NVL: variants seen among roughly 807,000 people sequenced by gnomAD.
NVL encodes nuclear valosin-containing protein-like.
Under a neutral mutation model 110.2 loss-of-function variants are expected in NVL, and 84 were observed. The observed-to-expected ratio is 0.76, with a 90% CI of 0.64 to 0.91. The LOEUF (loss-of-function observed/expected upper bound fraction) is 0.91, where lower values mean the gene tolerates loss of function less well. NVL is among the 40% of genes least tolerant of loss of function. The pLI, the probability that NVL is intolerant of heterozygous loss-of-function variation, is 0.00. For synonymous variants in NVL, 354 were observed against 361.1 expected (o/e 0.98, Z 0.22); for missense variants, 882 against 1,035.9 (o/e 0.85, Z 2.04).
chr1:224,300,761 T>C, intron 9 of NVL, 98 bp from the exon 10 acceptor site: 1 of 777,272 alleles, frequency 1.3e-6, no homozygotes, highest in Admixed American at 2.6e-5. Context: ...GCTAGTTTCC[T>C]GAGGAACTTC....
chr1:224,325,832 G>T (rs1671091332), intron 2 of NVL, among the ~76,000 whole-genome samples: 1 of 152,158 alleles, frequency 6.6e-6, no homozygotes, highest in African/African-American at 2.4e-5. Context: ...TGTCACTGAG[G>T]TTAGAGTGCA....
At chr1:224,291,760 A>G (rs1667399336) in intron 12 of NVL, among the ~76,000 whole-genome samples, 1 of 152,244 alleles carries the variant, frequency 6.6e-6, no homozygotes, top group Non-Finnish European at 1.5e-5. Context: ...AAAAACTATA[A>G]GCCAAAGCAT....
At chr1:224,322,321 C>G (rs1447453676) in intron 2 of NVL, among the ~76,000 whole-genome samples, 1 of 150,202 alleles carries the variant, frequency 6.7e-6, no homozygotes, top group African/African-American at 2.5e-5. Context: ...TAGCCTCAAG[C>G]AATCCTCCTG....
At chr1:224,254,828 C>T (rs532937150) in intron 18 of NVL, among the ~76,000 whole-genome samples, 3 of 150,476 alleles carry the variant, frequency 2.0e-5, no homozygotes, top group Non-Finnish European at 3.0e-5. Context: ...TTAAAATCTA[C>T]TTTCTTGGCA....
intron 12 of NVL, among the ~76,000 whole-genome samples, chr1:224,293,717 T>C (rs1476434824): frequency 6.6e-6 from 1 of 152,240 alleles, no homozygotes; most frequent in Non-Finnish European, 1.5e-5. Flanking sequence ...CAAGCCATTG[T>C]TAATAAGACC....
chr1:224,315,629 T>C (rs1669989712), intron 4 of NVL, among the ~76,000 whole-genome samples: 1 of 152,208 alleles, frequency 6.6e-6, no homozygotes, highest in South Asian at 2.1e-4. Flanking sequence ...AAACTGCTAA[T>C]GTAAAAGTAA....
At chr1:224,270,383 C>T (rs1346824988) in intron 17 of NVL, among the ~76,000 whole-genome samples, 1 of 151,940 alleles carries the variant, frequency 6.6e-6, no homozygotes, top group African/African-American at 2.4e-5. Flanking sequence ...ATGGCAAAAC[C>T]CCATCTCTAC....
intron 16 of NVL, among the ~76,000 whole-genome samples, chr1:224,280,145 G>C (rs1310794719): frequency 1.3e-5 from 2 of 150,322 alleles, no homozygotes; most frequent in Non-Finnish European, 3.0e-5. Context: ...GGGAGGGTTT[G>C]CAAGAAGCTT....
intron 4 of NVL, chr1:224,313,172 A>AAAAAAAAAC (rs1553335839): frequency 7.2e-6 from 2 of 276,868 alleles, no homozygotes; most frequent in African/African-American, 4.7e-5. Flanking sequence ...AAAAAAAAAA[A>AAAAAAAAAC]AAAAAAAACA....
Position 224,250,057 on chromosome 1 carries a change from G to A in NVL, c.2289+155C>T, listed in dbSNP as rs185144909. ...TGTAAATTATTTTAAAGTAATAATCGAAGATCAGTTCACCTTCCCTTTGGG... is the reference window on the plus strand; with the variant it reads ...TGTAAATTATTTTAAAGTAATAATCAAAGATCAGTTCACCTTCCCTTTGGG... On this transcript the variant is annotated intron_variant, in intron 19 of 22. Coordinates refer to ENST00000281701, the MANE Select transcript of NVL (RefSeq NM_002533.4). Among the ~76,000 whole-genome samples the A allele has an allele frequency of 6.6e-5, 10 of 152,192 alleles. No homozygotes were observed. In the East Asian group the frequency reaches 1.2e-3, roughly 18 times the overall value.
At chr1:224,303,603 A>G in intron 9 of NVL, 120 bp downstream of exon 9, 1 of 962,568 alleles carries the variant, frequency 1.0e-6, no homozygotes, top group Non-Finnish European at 1.5e-6. Flanking sequence ...GATCAGTTCC[A>G]ATGACTATGT....
chr1:224,300,416 C>T, intron 10 of NVL, 146 bp downstream of exon 10: 1 of 516,342 alleles, frequency 1.9e-6, no homozygotes, highest in Non-Finnish European at 3.5e-6. Flanking sequence ...AAATATTTAG[C>T]CATCATGCAT....
At chr1:224,292,681 T>C (rs1412933014) in intron 12 of NVL, among the ~76,000 whole-genome samples, 2 of 152,158 alleles carry the variant, frequency 1.3e-5, no homozygotes, top group Non-Finnish European at 2.9e-5. Context: ...TCTGAGCTTA[T>C]ATGTGCAATT....
In NVL at chr1:224,285,948, G is replaced by A. The variant is rs376101224; in HGVS notation, c.1899+78C>T. The stretch of plus-strand genomic sequence containing the variant: ...AATTATGCATAAGACTTACCTCACT[G>A]TAATATTTAAAGTTAAGTTCATATT... On this transcript the variant is annotated intron_variant, in intron 15 of 22. Coordinates refer to ENST00000281701, the MANE Select transcript of NVL (RefSeq NM_002533.4). 4.8e-5 allele frequency: 52 copies of A among 1,078,604 alleles called. No individual in the cohort carries two copies. In the African/African-American group the frequency reaches 7.8e-4, roughly 16 times the overall value. 66.8% of individuals were successfully genotyped at this position (1,078,604 alleles called of 1,614,324 possible).
chr1:224,289,399 C>T lies in NVL; in HGVS notation c.1575+85G>A. The T allele has an allele frequency of 2.9e-6, 4 of 1,392,394 alleles. No individual in the cohort carries two copies. In the South Asian group the frequency reaches 5.5e-5, roughly 19 times the overall value. 86.3% of individuals were successfully genotyped at this position (1,392,394 alleles called of 1,614,324 possible). A position where few individuals can be genotyped will look rare whatever the true frequency, so the allele number is the denominator to read the frequency against. ...TGCCAATAAAACAGAAAGTAATGAA[C>T]CTCAATTGTATTGACCCTTGCTTCA... On this transcript the variant is annotated intron_variant, in intron 13 of 22. Transcript: ENST00000281701.
intron 5 of NVL, among the ~76,000 whole-genome samples, chr1:224,310,297 G>A (rs1324385806): frequency 1.3e-5 from 2 of 151,666 alleles, no homozygotes; most frequent in Non-Finnish European, 2.9e-5. Flanking sequence ...TGTATATAAC[G>A]TTATATGCAA....
rs747120234 is a variant in NVL, at chr1:224,317,799, A to G, written c.185-6T>C. ...ACTACTAATTATGCTAAATACTGAA[A>G]CAAAAAGAAAAACGCTATGAGCTAA... On this transcript the variant is annotated splice_region_variant and splice_polypyrimidine_tract_variant and intron_variant, in intron 3 of 22. Coordinates refer to ENST00000281701, the MANE Select transcript of NVL (RefSeq NM_002533.4). 4.0e-5 allele frequency: 64 copies of G among 1,580,848 alleles called. No individual in the cohort carries two copies. Among genetic ancestry groups the G allele is most frequent in the Non-Finnish European group, 5.2e-5 (60 of 1,152,354 alleles).
intron 20 of NVL, among the ~76,000 whole-genome samples, chr1:224,235,816 C>G (rs1160064203): frequency 6.6e-6 from 1 of 151,632 alleles, no homozygotes; most frequent in Non-Finnish European, 1.5e-5. Context: ...ACCTGTAGTC[C>G]CAGCTATCCA....
intron 16 of NVL, among the ~76,000 whole-genome samples, chr1:224,277,170 T>G (rs1343487933): frequency 6.6e-6 from 1 of 152,116 alleles, no homozygotes; most frequent in Non-Finnish European, 1.5e-5. Flanking sequence ...TTATCATTAT[T>G]GTAACATTTG....
Sources: gnomAD v4.1 joint callset for allele counts (sites outside exome capture counted in the v4.1 genomes callset) on GRCh38, gnomAD v4.1.1 for gene constraint, MANE v1.5 for transcripts, NCBI Gene and HGNC (gene_info 2026-07-23, HGNC 2026-07-21) for gene names.